DPY19L3: variants seen among roughly 807,000 people sequenced by gnomAD.
The protein encoded by DPY19L3 is dpy-19 like C-mannosyltransferase 3, also known as protein C-mannosyl-transferase DPY19L3.
A neutral mutation model predicts 92.3 loss-of-function variants in DPY19L3; 51 were observed. That is an observed-to-expected ratio of 0.55 (90% CI 0.44 to 0.70). The LOEUF (loss-of-function observed/expected upper bound fraction) is 0.70, where lower values mean the gene tolerates loss of function less well. Among genes scored for constraint, DPY19L3 ranks in the 30% least tolerant of loss-of-function variants. The pLI, the probability that DPY19L3 is intolerant of heterozygous loss-of-function variation, is 0.00. For missense variants in DPY19L3, 706 were observed against 855.9 expected, an observed-to-expected ratio of 0.82 and a Z score of 2.18; for synonymous variants, 309 against 315.2, an observed-to-expected ratio of 0.98 and a Z score of 0.21.
intron 16 of DPY19L3, among the ~76,000 whole-genome samples, chr19:32,475,651 TAGTA>T (rs1213643662): frequency 6.6e-6 from 1 of 152,240 alleles, no homozygotes; most frequent in Non-Finnish European, 1.5e-5. Context: ...AGTAAGTGTT[TAGTA>T]AGTGTCAGTT....
intron 16 of DPY19L3, among the ~76,000 whole-genome samples, chr19:32,473,329 T>A (rs1274288701): frequency 1.3e-5 from 2 of 152,266 alleles, no homozygotes; most frequent in Non-Finnish European, 2.9e-5. Context: ...ATACATCATT[T>A]GTTCAAACAT....
At chr19:32,430,632 A>T (rs1047071564) in intron 3 of DPY19L3, among the ~76,000 whole-genome samples, 26 of 151,956 alleles carry the variant, frequency 1.7e-4, no homozygotes, top group Non-Finnish European at 3.1e-4. Flanking sequence ...TTATTTATTT[A>T]TTTTTTGAGG....
chr19:32,422,913 A>C (rs1044946365), intron 3 of DPY19L3, among the ~76,000 whole-genome samples: 1 of 152,364 alleles, frequency 6.6e-6, no homozygotes, highest in Middle Eastern at 3.4e-3. Context: ...TCTAATGGTC[A>C]AAGACCATGA....
rs114445139 is a variant in DPY19L3 at position 32,461,798 on chromosome 19, T to A, written c.1323-1568T>A. Among the ~76,000 whole-genome samples, 855 of 152,298 alleles carry A rather than the reference T, an allele frequency of 5.6e-3. 12 individuals are homozygous for A. Among genetic ancestry groups the A allele is most frequent in the African/African-American group, 0.019 (786 of 41,556 alleles). ...AGTTTCATCTTTAACTAGTAGCCTT[T>A]ACTGTTGTTTTCTTTTCCCCTCGAC... On this transcript the variant is annotated intron_variant, in intron 12 of 18. Transcript: ENST00000392250.
intron 3 of DPY19L3, among the ~76,000 whole-genome samples, chr19:32,430,301 T>C (rs954675419): frequency 1.2e-4 from 18 of 152,024 alleles, no homozygotes; most frequent in Admixed American, 6.6e-5. Flanking sequence ...GAGGATCACT[T>C]GACCCTGACA....
At chr19:32,447,659 T>C (rs1969542062) in intron 8 of DPY19L3, among the ~76,000 whole-genome samples, 1 of 151,982 alleles carries the variant, frequency 6.6e-6, no homozygotes, top group African/African-American at 2.4e-5. Flanking sequence ...AAGGTTGCAG[T>C]GAGCTGAGAC....
At chr19:32,468,621 T>G (rs1021483553) in intron 15 of DPY19L3, 110 bp from the exon 16 acceptor site, 1 of 1,447,062 alleles carries the variant, frequency 6.9e-7, no homozygotes, top group African/African-American at 1.4e-5. Flanking sequence ...TAGCTATGTT[T>G]ATTTAGTTCA....
chr19:32,430,574 A>G lies in DPY19L3; in HGVS notation c.238-2142A>G, dbSNP rs1968926161. ...GGTAGCAGAAATATATTAAATAAAT[A>G]ATTTCTAAGTCTGAAGATAATAGCA... On this transcript the variant is annotated intron_variant, in intron 3 of 18. Coordinates refer to ENST00000392250, the MANE Select transcript of DPY19L3 (RefSeq NM_001172774.2). 2.0e-5 allele frequency among the ~76,000 whole-genome samples: 3 copies of G among 152,200 alleles called. No individual in the cohort carries two copies. The South Asian group carries it at 6.2e-4, about 32-fold the overall frequency.
At chr19:32,470,781 C>CTTTTTTTTT (rs71336911) in intron 16 of DPY19L3, among the ~76,000 whole-genome samples, 45 of 91,210 alleles carry the variant, frequency 4.9e-4, no homozygotes, top group Middle Eastern at 0.012. Flanking sequence ...ATTCCTTTGG[C>CTTTTTTTTT]TTTTTTTTTT....
chr19:32,410,456 C>T (rs1968139711), intron 2 of DPY19L3, among the ~76,000 whole-genome samples: 1 of 151,988 alleles, frequency 6.6e-6, no homozygotes, highest in African/African-American at 2.4e-5. Flanking sequence ...CAGAGCATTC[C>T]TGCAAAACCT....
intron 3 of DPY19L3, among the ~76,000 whole-genome samples, chr19:32,428,544 A>G (rs567378726): frequency 2.0e-4 from 31 of 152,286 alleles, no homozygotes; most frequent in African/African-American, 7.2e-4. Flanking sequence ...TCCTGGCTCA[A>G]CCAGGCTTAG....
At chr19:32,472,813 A>G (rs938107825) in intron 16 of DPY19L3, among the ~76,000 whole-genome samples, 1 of 152,214 alleles carries the variant, frequency 6.6e-6, no homozygotes, top group Non-Finnish European at 1.5e-5. Context: ...TTCACTGGAA[A>G]TAGTCTCTTT....
intron 3 of DPY19L3, chr19:32,411,962 A>C (rs1465722773): frequency 6.6e-6 from 1 of 152,284 alleles, no homozygotes; most frequent in Non-Finnish European, 1.5e-5. Flanking sequence ...CTGCAGCCTC[A>C]ACCTCCTGGG....
intron 12 of DPY19L3, among the ~76,000 whole-genome samples, chr19:32,460,523 A>C (rs1249573435): frequency 6.6e-6 from 1 of 152,218 alleles, no homozygotes; most frequent in Non-Finnish European, 1.5e-5. Context: ...CTGTGAGTGA[A>C]TGTGAAGGCC....
intron 8 of DPY19L3, among the ~76,000 whole-genome samples, chr19:32,448,147 A>G (rs1233573715): frequency 2.0e-5 from 3 of 152,168 alleles, no homozygotes; most frequent in Non-Finnish European, 2.9e-5. Flanking sequence ...CTGTGGTACT[A>G]TTTACGTGGT....
chr19:32,437,514 A>C (rs1220918564), intron 6 of DPY19L3, among the ~76,000 whole-genome samples, 175 bp downstream of exon 6: 1 of 152,168 alleles, frequency 6.6e-6, no homozygotes, highest in Non-Finnish European at 1.5e-5. Context: ...AGAAAGTGCT[A>C]CTTACATGTA....
chr19:32,472,350 T>G (rs1970383260), intron 16 of DPY19L3, among the ~76,000 whole-genome samples: 1 of 152,116 alleles, frequency 6.6e-6, no homozygotes, highest in Non-Finnish European at 1.5e-5. Flanking sequence ...CCGCCTTCCC[T>G]AAGAGCTGGG....
At chr19:32,465,158 A>C (rs1163121455) in intron 15 of DPY19L3, among the ~76,000 whole-genome samples, 2 of 152,210 alleles carry the variant, frequency 1.3e-5, no homozygotes, top group Non-Finnish European at 1.5e-5. Context: ...AATGTATCTT[A>C]CTTTAAGCTC....
intron 16 of DPY19L3, among the ~76,000 whole-genome samples, chr19:32,469,756 A>G (rs1970301899): frequency 6.6e-6 from 1 of 152,216 alleles, no homozygotes; most frequent in Admixed American, 6.5e-5. Flanking sequence ...ATTCAGCATC[A>G]GAATGAAATT....
Sources: gnomAD v4.1 joint callset for allele counts (sites outside exome capture counted in the v4.1 genomes callset) on GRCh38, gnomAD v4.1.1 for gene constraint, MANE v1.5 for transcripts, NCBI Gene and HGNC (gene_info 2026-07-23, HGNC 2026-07-21) for gene names.